Variants in MLLT10 observed in about 807,000 individuals in gnomAD.
The protein encoded by MLLT10 is protein AF-10.
In MLLT10, 30 loss-of-function variants were observed where a neutral mutation model predicts 129.1. The observed-to-expected ratio is 0.23, with a 90% confidence interval of 0.17 to 0.32. The LOEUF is 0.32. Ranked by LOEUF, MLLT10 falls within the 10% of genes least tolerant of loss-of-function variation. MLLT10 has a pLI of 1.00. For synonymous variants in MLLT10, 490 were observed against 446.4 expected (o/e 1.10, Z -1.23); for missense variants, 1,119 against 1,268.3 (o/e 0.88, Z 1.79).
intron 21 of MLLT10, chr10:21,738,583 C>T (rs1437193721): frequency 2.4e-6 from 3 of 1,244,298 alleles, no homozygotes; most frequent in African/African-American, 3.1e-5. Flanking sequence ...TGGAAGCCTC[C>T]GCACAGCTTC....
At chr10:21,670,266 T>C (rs1407062488) in intron 9 of MLLT10, among the ~76,000 whole-genome samples, 183 bp from the exon 10 acceptor site, 1 of 152,196 alleles carries the variant, frequency 6.6e-6, no homozygotes, top group African/African-American at 2.4e-5. Context: ...TTTCTTTTTT[T>C]AAAAGTAATT....
At chr10:21,623,769 CCACT>C (rs1460612461) in intron 8 of MLLT10, among the ~76,000 whole-genome samples, 3 of 152,062 alleles carry the variant, frequency 2.0e-5, no homozygotes, top group Non-Finnish European at 4.4e-5. Flanking sequence ...CACTTCTATC[CCACT>C]CAATCTGAAA....
chr10:21,539,415 T>C (rs1256059025), intron 3 of MLLT10, among the ~76,000 whole-genome samples: 1 of 148,716 alleles, frequency 6.7e-6, no homozygotes, highest in African/African-American at 2.5e-5. Context: ...TAAAAATCTT[T>C]TTTTTTTTTT....
intron 14 of MLLT10, among the ~76,000 whole-genome samples, chr10:21,721,446 G>A (rs1455451665): frequency 1.3e-5 from 2 of 152,094 alleles, no homozygotes; most frequent in Non-Finnish European, 2.9e-5. Flanking sequence ...GAGGACACTT[G>A]AACCTTTTCC....
intron 13 of MLLT10, among the ~76,000 whole-genome samples, chr10:21,700,999 G>A (rs984706152): frequency 3.9e-5 from 6 of 152,032 alleles, no homozygotes; most frequent in African/African-American, 1.4e-4. Flanking sequence ...TACTGATTCA[G>A]TCTCATTACT....
At position 21,598,567 on chromosome 10, in the gene MLLT10, C is replaced by T. The variant is rs530283412; in HGVS notation, c.405+3127C>T. On this transcript the variant is annotated intron_variant, in intron 5 of 22. Transcript: ENST00000307729. ...GGAGATACATATTTCTATAAATTCA[C>T]ATCTATTGTTTCTATATCTATGTAG... Among the ~76,000 whole-genome samples, 9 of 152,236 alleles carry T rather than the reference C, an allele frequency of 5.9e-5. No individual in the cohort carries two copies. In the East Asian group the frequency reaches 9.6e-4, roughly 16 times the overall value.
Position 21,673,609 on chromosome 10 carries a change from T to G in MLLT10, c.1311T>G (p.Pro437=). Residue 437 remains proline, a synonymous_variant, in exon 11 of 23, where the codon CCT becomes CCG. Coordinates refer to ENST00000307729, the MANE Select transcript of MLLT10 (RefSeq NM_001195626.3). The part of the protein sequence containing the change: ...TSQPKSFENS[P]GDLGNSSLPT... Reference sequence around the variant, plus strand: ...AGCCTAAAAGCTTTGAAAATTCACCTGGAGATTTGGGTAATTCCAGCCTTC... The same window carrying G: ...AGCCTAAAAGCTTTGAAAATTCACCGGGAGATTTGGGTAATTCCAGCCTTC... The G allele has an allele frequency of 6.2e-7, 1 of 1,613,600 alleles. No individual in the cohort carries two copies. Among genetic ancestry groups the G allele is most frequent in the Non-Finnish European group, 8.5e-7 (1 of 1,179,900 alleles).
chr10:21,601,247 CTT>C (rs1225508519), intron 5 of MLLT10, among the ~76,000 whole-genome samples: 1 of 152,060 alleles, frequency 6.6e-6, no homozygotes, highest in African/African-American at 2.4e-5. Flanking sequence ...TGCCTGGCCT[CTT>C]TGTGTCTTTT....
intron 21 of MLLT10, among the ~76,000 whole-genome samples, chr10:21,739,618 G>GTA (rs1353977957): frequency 1.3e-5 from 2 of 152,206 alleles, no homozygotes; most frequent in African/African-American, 2.4e-5. Context: ...ACGCTGCATG[G>GTA]AGTATATGCT....
chr10:21,546,276 C>CATG (rs879633621), intron 3 of MLLT10, among the ~76,000 whole-genome samples: 1 of 151,864 alleles, frequency 6.6e-6, no homozygotes, highest in Non-Finnish European at 1.5e-5. Context: ...CTGGGTTTCA[C>CATG]AATGTTGCTC....
intron 3 of MLLT10, among the ~76,000 whole-genome samples, chr10:21,562,638 T>G (rs564116758): frequency 6.6e-6 from 1 of 150,588 alleles, no homozygotes; most frequent in East Asian, 2.0e-4. Context: ...ACACCTGGCG[T>G]GGAGATTGCT....
intron 8 of MLLT10, among the ~76,000 whole-genome samples, chr10:21,641,049 G>GACCCTTC (rs1186489990): frequency 8.5e-5 from 13 of 152,190 alleles, no homozygotes; most frequent in Non-Finnish European, 1.5e-4. Flanking sequence ...GCCTAGAGGT[G>GACCCTTC]ACACACATCA....
chr10:21,592,571 C>T (rs1468450043), intron 4 of MLLT10, among the ~76,000 whole-genome samples: 2 of 152,152 alleles, frequency 1.3e-5, no homozygotes, highest in South Asian at 2.1e-4. Flanking sequence ...ATTCTCCTGC[C>T]TCAGCCTCCC....
intron 8 of MLLT10, among the ~76,000 whole-genome samples, chr10:21,618,189 T>C (rs1187790169): frequency 6.6e-6 from 1 of 152,192 alleles, no homozygotes; most frequent in Non-Finnish European, 1.5e-5. Flanking sequence ...AAATATGATT[T>C]GGTAAATGCC....
At chr10:21,639,385 G>C (rs2047766456) in intron 8 of MLLT10, among the ~76,000 whole-genome samples, 1 of 152,154 alleles carries the variant, frequency 6.6e-6, no homozygotes, top group Admixed American at 6.5e-5. Flanking sequence ...AGGTGCTTCT[G>C]TTCAACTGAC....
chr10:21,729,951 T>C (rs547022021), intron 16 of MLLT10, among the ~76,000 whole-genome samples: 1 of 152,244 alleles, frequency 6.6e-6, no homozygotes, highest in East Asian at 1.9e-4. Flanking sequence ...TTTAGAAATA[T>C]TCATGTAAAA....
intron 9 of MLLT10, among the ~76,000 whole-genome samples, chr10:21,660,871 C>CAA (rs770411226): frequency 6.0e-4 from 49 of 81,162 alleles, no homozygotes; most frequent in East Asian, 1.6e-3. Context: ...AACTCTGTCT[C>CAA]AAAAAAAAAA....
At chr10:21,606,595 A>G (rs2044095135) in intron 5 of MLLT10, among the ~76,000 whole-genome samples, 1 of 152,208 alleles carries the variant, frequency 6.6e-6, no homozygotes, top group Admixed American at 6.5e-5. Context: ...TGAGAGATTC[A>G]AGACTTTGAT....
At chr10:21,538,745 A>G in intron 2 of MLLT10, 88 bp from the exon 3 acceptor site, 1 of 881,566 alleles carries the variant, frequency 1.1e-6, no homozygotes, top group Non-Finnish European at 1.8e-6. Context: ...GAATAGTGAC[A>G]GGTGGATTAA....
Sources: allele counts gnomAD v4.1 joint callset (sites outside exome capture counted in the v4.1 genomes callset), GRCh38; gene constraint gnomAD v4.1.1; transcripts MANE v1.5; gene names NCBI Gene and HGNC (gene_info 2026-07-23, HGNC 2026-07-21).